Variants in SH2D1A observed in about 807,000 individuals in gnomAD.
SH2D1A encodes SH2 domain containing 1A, also known as SH2 domain-containing protein 1A.
A neutral mutation model predicts 10.1 loss-of-function variants in SH2D1A; 6 were observed. That is an observed-to-expected ratio of 0.60 (90% CI 0.33 to 1.18). SH2D1A has a LOEUF of 1.18. SH2D1A is among the 50% of genes most tolerant of loss of function. The pLI is 0.04. For missense variants in SH2D1A, 51 were observed against 97.6 expected (o/e 0.52, Z 2.01); for synonymous variants, 42 against 36.9 (o/e 1.14, Z -0.51).
At chrX:124,365,608 T>C (rs1415088599) in intron 1 of SH2D1A, among the ~76,000 whole-genome samples, 153 bp from the exon 2 acceptor site, 1 of 111,521 alleles carries the variant, frequency 9.0e-6, no homozygotes, top group Non-Finnish European at 1.9e-5. Context: ...TGGAGACAAG[T>C]TAGATTCACT....
intron 1 of SH2D1A, among the ~76,000 whole-genome samples, chrX:124,356,748 C>T (rs924347173): frequency 8.9e-6 from 1 of 112,483 alleles, no homozygotes; most frequent in African/African-American, 3.2e-5. Context: ...CGTGAGCCAT[C>T]GTGCCCAGCC....
At chrX:124,361,107 C>T (rs2060039364) in intron 1 of SH2D1A, among the ~76,000 whole-genome samples, 1 of 111,697 alleles carries the variant, frequency 9.0e-6, no homozygotes, top group Admixed American at 9.5e-5. Flanking sequence ...CACGTTTAAA[C>T]CCTTACCTCC....
chrX:124,368,632 T>C (rs1242097345), intron 2 of SH2D1A, among the ~76,000 whole-genome samples: 1 of 112,547 alleles, frequency 8.9e-6, no homozygotes, highest in Non-Finnish European at 1.9e-5. Flanking sequence ...CAGTTCTGCC[T>C]CTGGTTGTCT....
intron 1 of SH2D1A, among the ~76,000 whole-genome samples, chrX:124,351,093 A>T (rs1358000862): frequency 3.2e-5 from 3 of 93,258 alleles, no homozygotes; most frequent in Non-Finnish European, 6.2e-5. Flanking sequence ...ATAAATATAT[A>T]TTTATATATA....
At chrX:124,365,885 G>GT (rs1271214830) in intron 2 of SH2D1A, 61 bp downstream of exon 2, 6 of 728,045 alleles carry the variant, frequency 8.2e-6, no homozygotes, top group Non-Finnish European at 1.3e-5. Flanking sequence ...ATTTAGGCTG[G>GT]TTTTATAAAA....
chrX:124,371,164 A>T (rs2147534576), intron 3 of SH2D1A, among the ~76,000 whole-genome samples, 187 bp from the exon 4 acceptor site: 1 of 111,564 alleles, frequency 9.0e-6, no homozygotes, highest in South Asian at 3.7e-4. Context: ...CAAGTTGGCT[A>T]GTTGTTTTTT....
chrX:124,354,745 C>G (rs2060022516), intron 1 of SH2D1A, among the ~76,000 whole-genome samples: 1 of 112,048 alleles, frequency 8.9e-6, no homozygotes, highest in Admixed American at 9.5e-5. Flanking sequence ...AATAAAAGCT[C>G]TATAAATAAT....
At chrX:124,360,973 C>A (rs1348182478) in intron 1 of SH2D1A, among the ~76,000 whole-genome samples, 4 of 111,508 alleles carry the variant, frequency 3.6e-5, no homozygotes, top group Non-Finnish European at 7.5e-5. Context: ...TACTTAACAT[C>A]TCAAAGTCTC....
At position 124,371,685 on chromosome X, in the gene SH2D1A, G is replaced by A. The variant is rs1490486819; in HGVS notation, c.*294G>A. 2 of 197,674 alleles carry A rather than the reference G, an allele frequency of 1.0e-5. No individual in the cohort carries two copies. The highest frequency in any genetic ancestry group is 1.8e-5 in the Non-Finnish European group (2 of 108,754). 16.3% of individuals were successfully genotyped at this position (197,674 alleles called of 1,213,427 possible). A position where few individuals can be genotyped will look rare whatever the true frequency, so the allele number is the denominator to read the frequency against. On this transcript the variant is annotated 3_prime_UTR_variant, in exon 4 of 4. Transcript: ENST00000371139. ...TTATAAAGGATTAATGTCAATTCTTGCCAAATATAAATAAAAATAATCCTC... is the reference window on the plus strand; with the variant it reads ...TTATAAAGGATTAATGTCAATTCTTACCAAATATAAATAAAAATAATCCTC...
rs1224682978 is a variant in SH2D1A at position 124,371,705 on chromosome X, A to T, written c.*314A>T. The T allele has an allele frequency of 2.1e-5, 4 of 187,121 alleles. No homozygotes were observed. Among genetic ancestry groups the T allele is most frequent in the Non-Finnish European group, 3.9e-5 (4 of 101,582 alleles). 15.4% of individuals were successfully genotyped at this position (187,121 alleles called of 1,213,427 possible). On this transcript the variant is annotated 3_prime_UTR_variant, in exon 4 of 4. Coordinates refer to ENST00000371139, the MANE Select transcript of SH2D1A (RefSeq NM_002351.5). The stretch of plus-strand genomic sequence containing the variant: ...TTCTTGCCAAATATAAATAAAAATA[A>T]TCCTCAGTTTTTGTGAAAAGCTCCA...
chrX:124,363,448 T>C (rs775341578), intron 1 of SH2D1A, among the ~76,000 whole-genome samples: 2 of 111,756 alleles, frequency 1.8e-5, no homozygotes, highest in East Asian at 5.6e-4. Context: ...GAACAGCATA[T>C]ACAATGGTGG....
chrX:124,361,853 G>A (rs1207461867), intron 1 of SH2D1A, among the ~76,000 whole-genome samples: 1 of 111,664 alleles, frequency 9.0e-6, no homozygotes, highest in East Asian at 2.8e-4. Flanking sequence ...ATTGAAGAAG[G>A]AATTGTTAAG....
chrX:124,360,445 T>TAAAAA (rs752399450), intron 1 of SH2D1A, among the ~76,000 whole-genome samples: 1 of 31,982 alleles, frequency 3.1e-5, no homozygotes, highest in Non-Finnish European at 5.2e-5. Context: ...CTGCAAAAAC[T>TAAAAA]AAAAAAAAAA....
chrX:124,364,492 T>C, intron 1 of SH2D1A: 1 of 229,843 alleles, frequency 4.4e-6, no homozygotes, highest in Non-Finnish European at 7.8e-6. Context: ...CTAAGATTAA[T>C]TTATTATTGA....
chrX:124,348,125 A>G (rs895836259), intron 1 of SH2D1A, among the ~76,000 whole-genome samples: 4 of 111,746 alleles, frequency 3.6e-5, no homozygotes, highest in African/African-American at 1.3e-4. Context: ...TGCTAAATAC[A>G]TTTTTCACAA....
intron 2 of SH2D1A, among the ~76,000 whole-genome samples, chrX:124,368,479 G>A (rs1203691086): frequency 8.9e-6 from 1 of 112,009 alleles, no homozygotes; most frequent in African/African-American, 3.2e-5. Context: ...GCCACAAGAA[G>A]CTAAAAAGAT....
At chrX:124,366,467 C>T (rs2060054954) in intron 2 of SH2D1A, among the ~76,000 whole-genome samples, 1 of 111,302 alleles carries the variant, frequency 9.0e-6, no homozygotes, top group Non-Finnish European at 1.9e-5. Flanking sequence ...AAGCTGTTTG[C>T]CACAAGGCCT....
chrX:124,361,274 G>T (rs987687910), intron 1 of SH2D1A, among the ~76,000 whole-genome samples: 1 of 111,605 alleles, frequency 9.0e-6, no homozygotes, highest in Non-Finnish European at 1.9e-5. Flanking sequence ...GCAAGAAGGC[G>T]GCTGTCTACA....
chrX:124,369,759 G>T (rs766549454), intron 2 of SH2D1A, among the ~76,000 whole-genome samples: 1 of 111,221 alleles, frequency 9.0e-6, no homozygotes, highest in Non-Finnish European at 1.9e-5. Flanking sequence ...TTGTTCCTCA[G>T]GCTTTTTATT....
Sources: allele counts gnomAD v4.1 joint callset (sites outside exome capture counted in the v4.1 genomes callset), GRCh38; gene constraint gnomAD v4.1.1; transcripts MANE v1.5; gene names NCBI Gene and HGNC (gene_info 2026-07-23, HGNC 2026-07-21).